RUNDC3B: variants seen among roughly 807,000 people sequenced by gnomAD.
RUNDC3B encodes RUN domain containing 3B.
In RUNDC3B, 33 loss-of-function variants were observed where a neutral mutation model predicts 58.4. The observed-to-expected ratio is 0.56, with a 90% confidence interval of 0.43 to 0.75. RUNDC3B has a LOEUF of 0.75. Ranked by LOEUF, RUNDC3B falls within the 30% of genes least tolerant of loss-of-function variation. RUNDC3B has a pLI of 0.00. For missense variants in RUNDC3B, 501 were observed against 535.7 expected (o/e 0.94, Z 0.64); for synonymous variants, 193 against 195.2 (o/e 0.99, Z 0.10).
intron 8 of RUNDC3B, among the ~76,000 whole-genome samples, chr7:87,795,598 C>G (rs1408192258): frequency 6.6e-6 from 1 of 152,022 alleles, no homozygotes; most frequent in African/African-American, 2.4e-5. Flanking sequence ...AAAATAATGG[C>G]TGGGCATGGT....
intron 4 of RUNDC3B, among the ~76,000 whole-genome samples, chr7:87,729,938 G>A (rs1214036905): frequency 6.6e-6 from 1 of 152,174 alleles, no homozygotes; most frequent in Non-Finnish European, 1.5e-5. Context: ...CCCCATTCCA[G>A]GCCCTAGCTC....
rs186901455 is a variant in RUNDC3B, at chr7:87,644,717, A to T, written c.123-6105A>T. Among the ~76,000 whole-genome samples, 652 of 152,082 alleles carry T rather than the reference A, an allele frequency of 4.3e-3. 2 individuals are homozygous for T. Among genetic ancestry groups the T allele is most frequent in the Admixed American group, 7.9e-3 (120 of 15,284 alleles). ...AATAATATATGCTTGTTGTAAAGGG[A>T]TAGGAATATAATTTTTTTTACTACT... On this transcript the variant is annotated intron_variant, in intron 1 of 10. Transcript: ENST00000394654.
At chr7:87,758,984 A>G (rs1397034731) in intron 6 of RUNDC3B, among the ~76,000 whole-genome samples, 1 of 152,196 alleles carries the variant, frequency 6.6e-6, no homozygotes, top group African/African-American at 2.4e-5. Flanking sequence ...CTAGGTATAT[A>G]TCTAAAAGAA....
At position 87,628,452 on chromosome 7, in the gene RUNDC3B, G is replaced by A; in HGVS notation, c.-372G>A. Reference sequence around the variant, plus strand: ...GGCTGCGGAGTGTGGGTGGTTGGGCGTGAGGGGCCGACGGGCTCGCGCGCG... The same window carrying A: ...GGCTGCGGAGTGTGGGTGGTTGGGCATGAGGGGCCGACGGGCTCGCGCGCG... On this transcript the variant is annotated 5_prime_UTR_variant, in exon 1 of 11. It adds an upstream start codon to the 5' untranslated region. Coordinates refer to ENST00000394654, the MANE Select transcript of RUNDC3B (RefSeq NM_001134405.2). 5.8e-6 allele frequency: 1 copy of A among 172,962 alleles called. No homozygotes were observed. Among genetic ancestry groups the A allele is most frequent in the Non-Finnish European group, 1.2e-5 (1 of 81,806 alleles). 10.7% of individuals were successfully genotyped at this position (172,962 alleles called of 1,614,324 possible).
At chr7:87,770,846 T>G (rs904017179) in intron 7 of RUNDC3B, 97 bp downstream of exon 7, 1 of 771,868 alleles carries the variant, frequency 1.3e-6, no homozygotes. Flanking sequence ...AAATTATTTA[T>G]CCATTGCTGC....
At chr7:87,650,319 A>G (rs1823448881) in intron 1 of RUNDC3B, among the ~76,000 whole-genome samples, 1 of 152,174 alleles carries the variant, frequency 6.6e-6, no homozygotes, top group South Asian at 2.1e-4. Context: ...ATTTATAAAC[A>G]ACAGAAATTT....
At chr7:87,690,374 G>C (rs1827898108) in intron 2 of RUNDC3B, among the ~76,000 whole-genome samples, 3 of 151,950 alleles carry the variant, frequency 2.0e-5, no homozygotes, top group African/African-American at 7.2e-5. Flanking sequence ...AACTTCAAAA[G>C]ATTTGCACTT....
chr7:87,700,425 A>G lies in RUNDC3B; in HGVS notation c.243A>G (p.Gln81=), dbSNP rs748502274. 1.2e-6 allele frequency: 2 copies of G among 1,601,380 alleles called. No individual in the cohort carries two copies. Among genetic ancestry groups the G allele is most frequent in the East Asian group, 2.2e-5 (1 of 44,780 alleles). The change falls in exon 3 of 11, where the codon CAA becomes CAG. Residue 81 remains glutamine (Q), a synonymous_variant. Coordinates refer to ENST00000394654, the MANE Select transcript of RUNDC3B (RefSeq NM_001134405.2). ...ATCGCAATTTGTCTCCTGAAGGTCAAGTAACCTGGTTTGGTTATGAAAGTC... is the reference window on the plus strand; with the variant it reads ...ATCGCAATTTGTCTCCTGAAGGTCAGGTAACCTGGTTTGGTTATGAAAGTC... The part of the protein sequence containing the change: ...EQILSHRLKG[Q]VTWFGYESPR...
At chr7:87,753,734 T>G (rs766807789) in intron 6 of RUNDC3B, among the ~76,000 whole-genome samples, 1 of 152,184 alleles carries the variant, frequency 6.6e-6, no homozygotes, top group Non-Finnish European at 1.5e-5. Context: ...TCAAATAGGA[T>G]CCATCAGCAA....
intron 9 of RUNDC3B, among the ~76,000 whole-genome samples, chr7:87,810,044 C>T (rs915109709): frequency 1.3e-5 from 2 of 151,606 alleles, no homozygotes; most frequent in African/African-American, 4.9e-5. Context: ...TAATTCATTA[C>T]AGTTTTAATG....
intron 9 of RUNDC3B, among the ~76,000 whole-genome samples, chr7:87,811,790 T>C (rs1836730634): frequency 6.6e-6 from 1 of 152,210 alleles, no homozygotes; most frequent in East Asian, 1.9e-4. Flanking sequence ...ATAACTCATA[T>C]ATGCCCTTCC....
intron 8 of RUNDC3B, 39 bp from the exon 9 acceptor site, chr7:87,807,334 C>T: frequency 1.2e-6 from 2 of 1,605,084 alleles, no homozygotes; most frequent in Non-Finnish European, 1.7e-6. Context: ...CATTGTAGAA[C>T]AGTGAAGACA....
At chr7:87,663,252 C>T (rs1824892309) in intron 2 of RUNDC3B, among the ~76,000 whole-genome samples, 1 of 151,956 alleles carries the variant, frequency 6.6e-6, no homozygotes, top group South Asian at 2.1e-4. Context: ...GTCTGTTAAT[C>T]CCTCTTATTT....
intron 2 of RUNDC3B, among the ~76,000 whole-genome samples, chr7:87,677,362 G>A (rs569407006): frequency 2.0e-5 from 3 of 148,484 alleles, no homozygotes; most frequent in South Asian, 2.1e-4. Context: ...GAAATCCTGC[G>A]ATTTGCAGTA....
chr7:87,639,379 A>G (rs1031857870), intron 1 of RUNDC3B, among the ~76,000 whole-genome samples: 3 of 152,216 alleles, frequency 2.0e-5, no homozygotes, highest in Non-Finnish European at 2.9e-5. Context: ...GTCATTGTTG[A>G]TTGCATGATT....
chr7:87,668,854 T>C (rs1002718314), intron 2 of RUNDC3B, among the ~76,000 whole-genome samples: 2 of 152,332 alleles, frequency 1.3e-5, no homozygotes, highest in East Asian at 3.9e-4. Flanking sequence ...TTTGGTATGA[T>C]TTCAGTTCTT....
intron 4 of RUNDC3B, among the ~76,000 whole-genome samples, chr7:87,726,089 A>G (rs1347427890): frequency 2.0e-5 from 3 of 149,202 alleles, no homozygotes; most frequent in Non-Finnish European, 3.0e-5. Flanking sequence ...GAAGCTCTTT[A>G]GTTTAATTAG....
At chr7:87,764,397 T>C (rs1646821593) in intron 6 of RUNDC3B, among the ~76,000 whole-genome samples, 1 of 151,916 alleles carries the variant, frequency 6.6e-6, no homozygotes, top group Admixed American at 6.6e-5. Context: ...AATATCTTTA[T>C]TCTTGAATGA....
intron 9 of RUNDC3B, among the ~76,000 whole-genome samples, chr7:87,809,697 G>A (rs1421799503): frequency 2.0e-5 from 3 of 152,098 alleles, no homozygotes; most frequent in Admixed American, 1.3e-4. Context: ...AAATTAAAGT[G>A]AACAACTCAT....
Sources: gnomAD v4.1 joint callset for allele counts (sites outside exome capture counted in the v4.1 genomes callset) on GRCh38, gnomAD v4.1.1 for gene constraint, MANE v1.5 for transcripts, NCBI Gene and HGNC (gene_info 2026-07-23, HGNC 2026-07-21) for gene names.